Variants in SGCZ observed in about 807,000 individuals in gnomAD.
The protein encoded by SGCZ is sarcoglycan zeta, also known as zeta-sarcoglycan.
A neutral mutation model predicts 41.3 loss-of-function variants in SGCZ; 40 were observed. The observed-to-expected ratio is 0.97, with a 90% confidence interval of 0.75 to 1.26. The LOEUF (loss-of-function observed/expected upper bound fraction) is 1.26, where lower values mean the gene tolerates loss of function less well. SGCZ is among the 50% of genes most tolerant of loss of function. The probability of loss-of-function intolerance (pLI) is 0.00; values close to 1 mark genes in which losing one functional copy is unlikely to be tolerated. For missense variants in SGCZ, 552 were observed against 369.8 expected, an observed-to-expected ratio of 1.49 and a Z score of -4.04; for synonymous variants, 206 against 137.5, an observed-to-expected ratio of 1.50 and a Z score of -3.49.
intron 1 of SGCZ, among the ~76,000 whole-genome samples, chr8:15,182,940 C>G (rs768981491): frequency 6.6e-6 from 1 of 151,804 alleles, no homozygotes; most frequent in Non-Finnish European, 1.5e-5. Flanking sequence ...TTAATTTTAC[C>G]TTTTTAAACT....
intron 1 of SGCZ, among the ~76,000 whole-genome samples, chr8:14,993,874 A>G (rs993045962): frequency 6.6e-6 from 1 of 152,308 alleles, no homozygotes; most frequent in East Asian, 1.9e-4. Context: ...ATCAGAGAGC[A>G]CTTTGAATAA....
chr8:14,734,100 T>C (rs1798956194), intron 1 of SGCZ, among the ~76,000 whole-genome samples: 1 of 152,146 alleles, frequency 6.6e-6, no homozygotes, highest in Admixed American at 6.6e-5. Context: ...ATGGACGCTG[T>C]TAAGATCAAG....
chr8:14,497,742 T>A (rs1359628632), intron 2 of SGCZ, among the ~76,000 whole-genome samples: 1 of 152,132 alleles, frequency 6.6e-6, no homozygotes, highest in Non-Finnish European at 1.5e-5. Context: ...CCCCATGATC[T>A]AATACCTCCC....
intron 1 of SGCZ, among the ~76,000 whole-genome samples, chr8:14,975,436 A>G (rs1801434329): frequency 6.6e-6 from 1 of 152,194 alleles, no homozygotes; most frequent in Non-Finnish European, 1.5e-5. Context: ...TGTGTAAATA[A>G]CATTCACAGA....
chr8:14,271,488 C>A (rs1800056757), intron 3 of SGCZ, among the ~76,000 whole-genome samples: 1 of 152,138 alleles, frequency 6.6e-6, no homozygotes. Flanking sequence ...TCTCATTTGA[C>A]CAACAGGAGA....
chr8:14,137,670 T>G (rs1803243012), intron 5 of SGCZ, among the ~76,000 whole-genome samples: 1 of 152,270 alleles, frequency 6.6e-6, no homozygotes, highest in Admixed American at 6.5e-5. Context: ...CCAAGAAATA[T>G]GGGACTTTGT....
chr8:14,427,725 G>A (rs1198735340), intron 2 of SGCZ, among the ~76,000 whole-genome samples: 1 of 152,002 alleles, frequency 6.6e-6, no homozygotes. Context: ...ACTATCACAA[G>A]GACCAAACAA....
At chr8:14,212,948 T>C (rs2126810) in intron 4 of SGCZ, among the ~76,000 whole-genome samples, 151,427 of 152,216 alleles carry the variant, frequency 0.99, 75,328 homozygotes, top group East Asian at 1. Flanking sequence ...TGGATGGGAT[T>C]AATAGTAGAA....
At chr8:15,122,005 TA>T (rs1480977779) in intron 1 of SGCZ, among the ~76,000 whole-genome samples, 3 of 151,728 alleles carry the variant, frequency 2.0e-5, no homozygotes, top group African/African-American at 7.3e-5. Flanking sequence ...AACATAAATG[TA>T]ATACAAAAAT....
chr8:14,300,774 T>C (rs1330674801), intron 3 of SGCZ, among the ~76,000 whole-genome samples: 2 of 152,006 alleles, frequency 1.3e-5, no homozygotes, highest in Admixed American at 6.6e-5. Context: ...TGTCTTCTTT[T>C]GAGAAATTTC....
chr8:14,399,358 G>A (rs553574489), intron 2 of SGCZ, among the ~76,000 whole-genome samples: 12 of 152,028 alleles, frequency 7.9e-5, no homozygotes, highest in Non-Finnish European at 1.6e-4. Flanking sequence ...TGACAGGCCT[G>A]GGCATCCACT....
In SGCZ at chr8:14,122,044, C is replaced by T. The variant is rs576468874; in HGVS notation, c.548-13809G>A. Among the ~76,000 whole-genome samples the T allele has an allele frequency of 3.9e-5, 6 of 152,114 alleles. No individual in the cohort carries two copies. The East Asian group carries it at 7.8e-4, about 20-fold the overall frequency. On this transcript the variant is annotated intron_variant, in intron 5 of 7. Coordinates refer to ENST00000382080, the MANE Select transcript of SGCZ (RefSeq NM_139167.4). ...CTGTAATCCCAGCACTTTGGGAGGC[C>T]GAGGCGGGCAGATCCCAAGGTCAGG...
intron 4 of SGCZ, among the ~76,000 whole-genome samples, chr8:14,234,413 T>C (rs537587869): frequency 9.2e-5 from 14 of 152,138 alleles, no homozygotes; most frequent in Admixed American, 3.3e-4. Flanking sequence ...ACTACTTACA[T>C]ATATTTTTGA....
chr8:14,233,889 G>A (rs1585259590), intron 4 of SGCZ, among the ~76,000 whole-genome samples: 1 of 151,940 alleles, frequency 6.6e-6, no homozygotes, highest in South Asian at 2.1e-4. Flanking sequence ...TTTTCTTCAA[G>A]GAGTCTGACC....
rs59456978 is a variant in SGCZ at position 14,507,475 on chromosome 8, T to A, written c.234+47257A>T. Among the ~76,000 whole-genome samples, 1,415 of 152,312 alleles carry A rather than the reference T, an allele frequency of 9.3e-3. 20 individuals are homozygous for A. Among genetic ancestry groups the A allele is most frequent in the African/African-American group, 0.033 (1,363 of 41,574 alleles). On this transcript the variant is annotated intron_variant, in intron 2 of 7. Transcript: ENST00000382080. Reference sequence around the variant, plus strand: ...TCACATGCCTTCAAAAATTCTCCAATATCTCATTTAAGCCAAAATGAAAGC... The same window carrying A: ...TCACATGCCTTCAAAAATTCTCCAAAATCTCATTTAAGCCAAAATGAAAGC...
chr8:14,290,052 G>T (rs1350337214), intron 3 of SGCZ, among the ~76,000 whole-genome samples: 1 of 151,980 alleles, frequency 6.6e-6, no homozygotes, highest in African/African-American at 2.4e-5. Flanking sequence ...CTGCCTCCAT[G>T]ACCCAGTCAC....
chr8:14,752,275 C>T (rs897781456), intron 1 of SGCZ, among the ~76,000 whole-genome samples: 4 of 151,970 alleles, frequency 2.6e-5, no homozygotes, highest in African/African-American at 4.8e-5. Context: ...ATCATTAGAA[C>T]GCATTTATCA....
At chr8:14,911,077 T>A (rs533885489) in intron 1 of SGCZ, among the ~76,000 whole-genome samples, 1 of 152,226 alleles carries the variant, frequency 6.6e-6, no homozygotes, top group East Asian at 1.9e-4. Flanking sequence ...TTACTATTTT[T>A]ATAAACTGTC....
chr8:14,630,750 T>G (rs990976043), intron 1 of SGCZ, among the ~76,000 whole-genome samples: 13 of 151,614 alleles, frequency 8.6e-5, no homozygotes, highest in African/African-American at 3.1e-4. Flanking sequence ...AAACCATCAT[T>G]CTGAGCAAAC....
Sources: gnomAD v4.1 joint callset for allele counts (sites outside exome capture counted in the v4.1 genomes callset) on GRCh38, gnomAD v4.1.1 for gene constraint, MANE v1.5 for transcripts, NCBI Gene and HGNC (gene_info 2026-07-23, HGNC 2026-07-21) for gene names.